The following DPP10 variants were observed in gnomAD, a reference collection of about 807,000 sequenced individuals.
DPP10 encodes the protein dipeptidyl peptidase like 10.
In DPP10, 33 loss-of-function variants were observed where a neutral mutation model predicts 120.9. The ratio of observed to expected loss-of-function variants is 0.27; its 90% confidence interval spans 0.21 to 0.37. The LOEUF is 0.37. Among genes scored for constraint, DPP10 ranks in the 10% least tolerant of loss-of-function variants. DPP10 has a pLI of 1.00. For missense variants in DPP10, 816 were observed against 942.8 expected (o/e 0.87, Z 1.76); for synonymous variants, 337 against 326.1 (o/e 1.03, Z -0.36).
At chr2:115,073,235 A>T (rs1707517610) in intron 1 of DPP10, among the ~76,000 whole-genome samples, 1 of 152,244 alleles carries the variant, frequency 6.6e-6, no homozygotes, top group Admixed American at 6.5e-5. Context: ...TTCCGAAGAA[A>T]AACTTAACTT....
At chr2:114,694,451 T>C (rs1375409200) in intron 1 of DPP10, among the ~76,000 whole-genome samples, 1 of 151,974 alleles carries the variant, frequency 6.6e-6, no homozygotes, top group East Asian at 1.9e-4. Context: ...ATCAACACTA[T>C]GAACTCAGAT....
intron 17 of DPP10, among the ~76,000 whole-genome samples, chr2:115,785,820 C>T (rs1451744153): frequency 6.9e-6 from 1 of 144,542 alleles, no homozygotes; most frequent in Non-Finnish European, 1.5e-5. Flanking sequence ...TCATTTCATT[C>T]AGTTCAGCTC....
At chr2:115,158,500 G>A (rs1243446593) in intron 1 of DPP10, among the ~76,000 whole-genome samples, 5 of 152,144 alleles carry the variant, frequency 3.3e-5, no homozygotes, top group Non-Finnish European at 7.4e-5. Flanking sequence ...CCAAAACTAG[G>A]ATTTGAGGTA....
At chr2:115,811,318 G>C (rs1278658946) in intron 19 of DPP10, among the ~76,000 whole-genome samples, 1 of 152,124 alleles carries the variant, frequency 6.6e-6, no homozygotes, top group Non-Finnish European at 1.5e-5. Context: ...GGAAAGACTA[G>C]GTTAAAGTTT....
chr2:114,444,716 A>G (rs1051995691), intron 1 of DPP10, among the ~76,000 whole-genome samples: 22 of 152,334 alleles, frequency 1.4e-4, no homozygotes, highest in African/African-American at 4.8e-4. Flanking sequence ...TTAACAATGT[A>G]TTATATTAAT....
At chr2:114,583,021 A>G (rs1309667911) in intron 1 of DPP10, among the ~76,000 whole-genome samples, 4 of 152,176 alleles carry the variant, frequency 2.6e-5, no homozygotes, top group African/African-American at 7.2e-5. Context: ...ATTTCTAACA[A>G]GTTCCCAGGT....
intron 1 of DPP10, among the ~76,000 whole-genome samples, chr2:115,162,725 G>T (rs188445577): frequency 1.8e-4 from 28 of 152,074 alleles, no homozygotes; most frequent in Admixed American, 4.6e-4. Context: ...TGGGCTGAGG[G>T]TTATTCCTGT....
intron 1 of DPP10, among the ~76,000 whole-genome samples, chr2:115,199,134 A>G (rs12616332): frequency 0.092 from 13,978 of 152,206 alleles, 679 homozygotes; most frequent in East Asian, 0.19. Context: ...ATCATTAACA[A>G]ATGTTATTAA....
At chr2:115,033,997 A>C (rs988233977) in intron 1 of DPP10, among the ~76,000 whole-genome samples, 2 of 143,164 alleles carry the variant, frequency 1.4e-5, no homozygotes, top group African/African-American at 5.2e-5. Flanking sequence ...TCCCAGGTTC[A>C]AGGAATTCTT....
At chr2:114,622,521 T>C (rs1694178574) in intron 1 of DPP10, among the ~76,000 whole-genome samples, 1 of 152,052 alleles carries the variant, frequency 6.6e-6, no homozygotes, top group South Asian at 2.1e-4. Context: ...TGCTAATAGC[T>C]CTTCTGCTTT....
intron 5 of DPP10, among the ~76,000 whole-genome samples, chr2:115,633,556 T>A (rs1435976211): frequency 6.6e-6 from 1 of 152,104 alleles, no homozygotes; most frequent in African/African-American, 2.4e-5. Context: ...GTTGTACACA[T>A]GTACCCTAGA....
intron 4 of DPP10, among the ~76,000 whole-genome samples, chr2:115,513,035 T>C (rs1191919863): frequency 6.6e-6 from 1 of 152,040 alleles, no homozygotes; most frequent in African/African-American, 2.4e-5. Context: ...TCTATAAATT[T>C]TTGCTTCATA....
Position 115,694,813 on chromosome 2 carries a change from A to G in DPP10, c.576+4892A>G, listed in dbSNP as rs544667893. Among the ~76,000 whole-genome samples, 9 of 152,284 alleles carry G rather than the reference A, an allele frequency of 5.9e-5. No individual in the cohort carries two copies. The South Asian group carries it at 1.0e-3, about 18-fold the overall frequency. ...ACTCTTAGCTCAGAAGCAGCTACCT[A>G]TCTTCGACCCCAGCCCCATGGCAGG... On this transcript the variant is annotated intron_variant, in intron 7 of 25. Transcript: ENST00000410059.
chr2:114,818,697 T>C (rs1685841459), intron 1 of DPP10, among the ~76,000 whole-genome samples: 2 of 152,112 alleles, frequency 1.3e-5, no homozygotes, highest in African/African-American at 4.8e-5. Flanking sequence ...TCGGTGTCGC[T>C]GTTCAGTAGA....
At chr2:115,482,472 C>T (rs902461717) in intron 3 of DPP10, among the ~76,000 whole-genome samples, 5 of 151,890 alleles carry the variant, frequency 3.3e-5, no homozygotes, top group Non-Finnish European at 5.9e-5. Context: ...ACCATCATTG[C>T]TGTTCATTTC....
intron 2 of DPP10, among the ~76,000 whole-genome samples, chr2:115,331,955 G>T (rs2062773297): frequency 6.6e-6 from 1 of 152,098 alleles, no homozygotes; most frequent in Non-Finnish European, 1.5e-5. Context: ...AGTTAGGGAG[G>T]ATTCTCTCTT....
chr2:115,136,934 T>G (rs1024178107), intron 1 of DPP10, among the ~76,000 whole-genome samples: 1 of 152,200 alleles, frequency 6.6e-6, no homozygotes, highest in African/African-American at 2.4e-5. Flanking sequence ...TAGACTACAT[T>G]AGTTCTCCTT....
Position 114,997,828 on chromosome 2 carries a change from T to C in DPP10, c.61-311411T>C, listed in dbSNP as rs75288360. 2.2e-4 allele frequency among the ~76,000 whole-genome samples: 33 copies of C among 152,318 alleles called. No homozygotes were observed. The East Asian group carries it at 5.4e-3, about 25-fold the overall frequency. Reference sequence around the variant, plus strand: ...GACCAGAAGTGTTTAGGATTTAAAATTTTTTAGATCTTAGAATATTTGTAT... The same window carrying C: ...GACCAGAAGTGTTTAGGATTTAAAACTTTTTAGATCTTAGAATATTTGTAT... On this transcript the variant is annotated intron_variant, in intron 1 of 25. Coordinates refer to ENST00000410059, the MANE Select transcript of DPP10 (RefSeq NM_020868.6).
intron 3 of DPP10, among the ~76,000 whole-genome samples, chr2:115,423,527 G>A (rs1452071230): frequency 6.6e-6 from 1 of 152,096 alleles, no homozygotes; most frequent in Non-Finnish European, 1.5e-5. Flanking sequence ...TCTGTCTGTG[G>A]AAAATTTCTG....
Sources: allele counts gnomAD v4.1 joint callset (sites outside exome capture counted in the v4.1 genomes callset), GRCh38; gene constraint gnomAD v4.1.1; transcripts MANE v1.5; gene names NCBI Gene and HGNC (gene_info 2026-07-23, HGNC 2026-07-21).